UMAD1: variants seen among roughly 807,000 people sequenced by gnomAD.
The protein encoded by UMAD1 is UBAP1-MVB12-associated (UMA) domain containing 1, also known as UBAP1-MVB12-associated (UMA)-domain containing protein 1.
In UMAD1, 8 loss-of-function variants were observed where a neutral mutation model predicts 6.1. The ratio of observed to expected loss-of-function variants is 1.30; its 90% CI spans 0.76 to 2.35. The LOEUF (loss-of-function observed/expected upper bound fraction) is 2.35, where lower values mean the gene tolerates loss of function less well. Ranked by LOEUF, UMAD1 falls within the 30% of genes most tolerant of loss-of-function variation. UMAD1 has a pLI of 0.00. For missense variants in UMAD1, 130 were observed against 78.4 expected (o/e 1.66, Z -2.49); for synonymous variants, 56 against 31.4 (o/e 1.78, Z -2.61).
At chr7:7,762,393 T>C (rs1781908551) in intron 2 of UMAD1, among the ~76,000 whole-genome samples, 2 of 152,232 alleles carry the variant, frequency 1.3e-5, no homozygotes, top group South Asian at 4.1e-4. Flanking sequence ...TCGAGGTTTC[T>C]TGCTAACATT....
intron 2 of UMAD1, among the ~76,000 whole-genome samples, chr7:7,750,754 A>G (rs532612261): frequency 1.5e-4 from 23 of 152,220 alleles, no homozygotes; most frequent in Non-Finnish European, 2.4e-4. Context: ...TCACACAGCT[A>G]GAACATGGCG....
intron 3 of UMAD1, among the ~76,000 whole-genome samples, chr7:7,869,743 G>T (rs149322143): frequency 7.4e-4 from 112 of 152,278 alleles, no homozygotes; most frequent in Admixed American, 1.8e-3. Flanking sequence ...CAAAGTTGGC[G>T]CCTCCTAATA....
Position 7,878,382 on chromosome 7 carries a change from T to C in UMAD1, c.*844T>C, listed in dbSNP as rs1386950967. On this transcript the variant is annotated 3_prime_UTR_variant, in exon 4 of 4. Coordinates refer to ENST00000682710, the MANE Select transcript of UMAD1 (RefSeq NM_001302348.2). ...ATCTCATGATGATACATATTATTGC[T>C]GATAACACCCTTATTTAGAAATTTG... The C allele has an allele frequency of 6.6e-6, 1 of 152,238 alleles. No homozygotes were observed. Among genetic ancestry groups the C allele is most frequent in the Non-Finnish European group, 1.5e-5 (1 of 68,046 alleles). The allele number at this position is 152,238 out of a possible 1,614,324, so 9.4% of individuals were successfully genotyped here.
At chr7:7,730,828 T>C (rs965031232) in intron 2 of UMAD1, among the ~76,000 whole-genome samples, 2 of 152,128 alleles carry the variant, frequency 1.3e-5, no homozygotes, top group African/African-American at 4.8e-5. Flanking sequence ...TACTGAGATA[T>C]GTGGTATTTA....
intron 2 of UMAD1, among the ~76,000 whole-genome samples, chr7:7,763,638 A>C (rs1200486879): frequency 6.6e-6 from 1 of 152,208 alleles, no homozygotes; most frequent in African/African-American, 2.4e-5. Flanking sequence ...GCACTTTGGG[A>C]GGCTGAGGCT....
At chr7:7,752,732 A>G (rs917465914) in intron 2 of UMAD1, among the ~76,000 whole-genome samples, 5 of 152,128 alleles carry the variant, frequency 3.3e-5, no homozygotes, top group African/African-American at 4.8e-5. Flanking sequence ...AAATTTTAGA[A>G]AAAAGCATTA....
At position 7,812,445 on chromosome 7, in the gene UMAD1, T is replaced by G. The variant is rs575064660; in HGVS notation, c.156+10702T>G. 3.3e-5 allele frequency among the ~76,000 whole-genome samples: 5 copies of G among 152,316 alleles called. No individual in the cohort carries two copies. The South Asian group carries it at 6.2e-4, about 19-fold the overall frequency. On this transcript the variant is annotated intron_variant, in intron 3 of 3. Transcript: ENST00000682710. The stretch of plus-strand genomic sequence containing the variant: ...TAGCAATCTTTGTTTGTTAAAGTTA[T>G]GTAACTTTAAGTGCCCAACACATCT...
chr7:7,778,067 T>C (rs1782256191), intron 2 of UMAD1, among the ~76,000 whole-genome samples: 1 of 152,222 alleles, frequency 6.6e-6, no homozygotes, highest in African/African-American at 2.4e-5. Context: ...TCTCTATTGA[T>C]CATCACAATT....
chr7:7,863,019 T>TAA (rs149006477), intron 3 of UMAD1, among the ~76,000 whole-genome samples: 42,013 of 151,048 alleles, frequency 0.28, 7,492 homozygotes, highest in African/African-American at 0.51. Context: ...TGATTTAATG[T>TAA]AAAAAAAAAG....
At chr7:7,764,552 G>A (rs1781950617) in intron 2 of UMAD1, among the ~76,000 whole-genome samples, 1 of 152,154 alleles carries the variant, frequency 6.6e-6, no homozygotes, top group African/African-American at 2.4e-5. Context: ...GGCCAATTAT[G>A]CAGATAGTGA....
rs534335485 is a variant in UMAD1, at chr7:7,770,755, T to TA, written c.83-30907dup. Among the ~76,000 whole-genome samples, 35 of 151,770 alleles carry TA rather than the reference T, an allele frequency of 2.3e-4. No individual in the cohort carries two copies. In the South Asian group the frequency reaches 5.2e-3, roughly 23 times the overall value. On this transcript the variant is annotated intron_variant, in intron 2 of 3. Coordinates refer to ENST00000682710, the MANE Select transcript of UMAD1 (RefSeq NM_001302348.2). ...ATGTACCCTAAAACTTAAAGTATAA[T>TA]AAAAAAAATGAGGAGCAGGTTTTAT...
chr7:7,872,030 AGAG>A (rs1784341624), intron 3 of UMAD1, among the ~76,000 whole-genome samples: 1 of 151,982 alleles, frequency 6.6e-6, no homozygotes, highest in Admixed American at 6.6e-5. Context: ...GACCTCCGAA[AGAG>A]GAGGGGGCCT....
Position 7,717,113 on chromosome 7 carries a change from A to G in UMAD1, c.82+43660A>G, listed in dbSNP as rs62432606. Among the ~76,000 whole-genome samples, 582 of 147,518 alleles carry G rather than the reference A, an allele frequency of 3.9e-3. 4 individuals are homozygous for G. Among genetic ancestry groups the G allele is most frequent in the Non-Finnish European group, 5.7e-3 (381 of 67,310 alleles). On this transcript the variant is annotated intron_variant, in intron 2 of 3. Coordinates refer to ENST00000682710, the MANE Select transcript of UMAD1 (RefSeq NM_001302348.2). ...GGTCTGTTGCCCAGGCTGGAGTGCA[A>G]TGGCATGATCTTGGCTCACTGCAAC... is the stretch of plus-strand genomic sequence containing the variant.
chr7:7,747,014 T>C (rs1207201444), intron 2 of UMAD1, among the ~76,000 whole-genome samples: 3 of 152,036 alleles, frequency 2.0e-5, no homozygotes, highest in Non-Finnish European at 4.4e-5. Flanking sequence ...TGAACTGTTA[T>C]TGGAAGTTAT....
Position 7,780,344 on chromosome 7 carries a change from C to T in UMAD1, c.83-21326C>T, listed in dbSNP as rs188325925. ...CACAGACTGTGCTCCCAGTGACCTCCTTTCCTTCTAGCAATTTTCCTATGC... is the reference window on the plus strand; with the variant it reads ...CACAGACTGTGCTCCCAGTGACCTCTTTTCCTTCTAGCAATTTTCCTATGC... On this transcript the variant is annotated intron_variant, in intron 2 of 3. Transcript: ENST00000682710. Among the ~76,000 whole-genome samples, 191 of 152,348 alleles carry T rather than the reference C, an allele frequency of 1.3e-3. 2 individuals are homozygous for T. The highest frequency in any genetic ancestry group is 4.4e-3 in the African/African-American group (181 of 41,594).
At chr7:7,686,771 A>G (rs905477122) in intron 2 of UMAD1, among the ~76,000 whole-genome samples, 1 of 152,122 alleles carries the variant, frequency 6.6e-6, no homozygotes, top group Non-Finnish European at 1.5e-5. Context: ...GCCGTTTTCC[A>G]GTTAGGTGTG....
At chr7:7,805,934 A>G (rs1782904572) in intron 3 of UMAD1, among the ~76,000 whole-genome samples, 1 of 152,212 alleles carries the variant, frequency 6.6e-6, no homozygotes, top group Non-Finnish European at 1.5e-5. Flanking sequence ...CCTGACTAGA[A>G]TGAAAACAAA....
At chr7:7,807,617 A>T (rs1284985350) in intron 3 of UMAD1, among the ~76,000 whole-genome samples, 27 of 152,112 alleles carry the variant, frequency 1.8e-4, no homozygotes, top group Non-Finnish European at 1.5e-5. Flanking sequence ...AGAATTTAAA[A>T]AAGATCTGGT....
intron 2 of UMAD1, among the ~76,000 whole-genome samples, chr7:7,679,700 A>G (rs13309848): frequency 4.6e-5 from 6 of 129,730 alleles, no homozygotes; most frequent in South Asian, 2.3e-4. Context: ...TATATATTTA[A>G]TTTATAGATA....
Sources: gnomAD v4.1 joint callset for allele counts (sites outside exome capture counted in the v4.1 genomes callset) on GRCh38, gnomAD v4.1.1 for gene constraint, MANE v1.5 for transcripts, NCBI Gene and HGNC (gene_info 2026-07-23, HGNC 2026-07-21) for gene names.